METAP2: variants seen among roughly 807,000 people sequenced by gnomAD.
METAP2 encodes the protein methionine aminopeptidase 2.
A neutral mutation model predicts 59.4 loss-of-function variants in METAP2; 25 were observed. The observed-to-expected ratio is 0.42, with a 90% CI of 0.31 to 0.59. The LOEUF is 0.59. Among genes scored for constraint, METAP2 ranks in the 20% least tolerant of loss-of-function variants. METAP2 has a pLI of 0.16. For synonymous variants in METAP2, 214 were observed against 194.1 expected, an observed-to-expected ratio of 1.10 and a Z score of -0.85; for missense variants, 366 against 581.2, an observed-to-expected ratio of 0.63 and a Z score of 3.81.
intron 9 of METAP2, among the ~76,000 whole-genome samples, chr12:95,512,287 G>C (rs1405451390): frequency 6.6e-6 from 1 of 152,166 alleles, no homozygotes; most frequent in South Asian, 2.1e-4. Context: ...GTAGAGCTGT[G>C]AACATAATTC....
At chr12:95,491,207 CA>C (rs1180640096) in intron 4 of METAP2, among the ~76,000 whole-genome samples, 4 of 151,632 alleles carry the variant, frequency 2.6e-5, no homozygotes, top group Non-Finnish European at 5.9e-5. Context: ...TTAGTTTATA[CA>C]AACTTGAGAA....
intron 2 of METAP2, among the ~76,000 whole-genome samples, chr12:95,478,488 C>T (rs1317842082): frequency 6.6e-6 from 1 of 151,886 alleles, no homozygotes; most frequent in Non-Finnish European, 1.5e-5. Flanking sequence ...AAAAATTAGC[C>T]AGGTGTGGTG....
At chr12:95,496,201 C>T in intron 7 of METAP2, 103 bp downstream of exon 7, 1 of 647,098 alleles carries the variant, frequency 1.5e-6, no homozygotes, top group Non-Finnish European at 2.6e-6. Context: ...TGTTTAAGGG[C>T]TTTGGGTAAT....
intron 7 of METAP2, among the ~76,000 whole-genome samples, chr12:95,502,808 G>A (rs2076326311): frequency 6.7e-6 from 1 of 149,934 alleles, no homozygotes; most frequent in Admixed American, 6.6e-5. Context: ...CAGGTTTGCT[G>A]GTTCTTTTTT....
chr12:95,494,033 A>G lies in METAP2; in HGVS notation c.429-23A>G, dbSNP rs757793010. The G allele has an allele frequency of 3.1e-6, 5 of 1,605,286 alleles. No homozygotes were observed. In the South Asian group the frequency reaches 5.5e-5, roughly 18 times the overall value. ...CTTGTTCTGCTGTTTTATCACTAAT[A>G]GTATTCTATGCCCACTCTAAAGGCG... On this transcript the variant is annotated intron_variant, in intron 4 of 10. Transcript: ENST00000323666.
chr12:95,500,622 T>C (rs2076308412), intron 7 of METAP2, among the ~76,000 whole-genome samples: 3 of 152,214 alleles, frequency 2.0e-5, no homozygotes, highest in African/African-American at 7.2e-5. Context: ...TCATGCTTTT[T>C]CTGCATCAAT....
intron 2 of METAP2, among the ~76,000 whole-genome samples, chr12:95,479,982 G>A (rs746481084): frequency 1.3e-5 from 2 of 152,158 alleles, no homozygotes; most frequent in African/African-American, 2.4e-5. Flanking sequence ...CTACTACCAC[G>A]ACGGAAGATA....
chr12:95,486,364 T>C (rs944526890), intron 4 of METAP2, among the ~76,000 whole-genome samples: 1 of 152,192 alleles, frequency 6.6e-6, no homozygotes, highest in African/African-American at 2.4e-5. Context: ...GTCTACTATA[T>C]CTTTACTTTT....
chr12:95,478,003 T>C (rs2076132927), intron 2 of METAP2, among the ~76,000 whole-genome samples: 1 of 152,216 alleles, frequency 6.6e-6, no homozygotes, highest in Non-Finnish European at 1.5e-5. Flanking sequence ...ATCATAATGC[T>C]TCCTGGGCCT....
intron 7 of METAP2, among the ~76,000 whole-genome samples, chr12:95,503,454 G>C (rs2076331604): frequency 6.6e-6 from 1 of 152,170 alleles, no homozygotes; most frequent in South Asian, 2.1e-4. Context: ...GAGTGGAGGG[G>C]AAAGGGGTGC....
intron 8 of METAP2, among the ~76,000 whole-genome samples, chr12:95,506,192 T>C (rs73231321): frequency 0.094 from 14,241 of 151,528 alleles, 711 homozygotes; most frequent in East Asian, 0.2. Flanking sequence ...CTCGGTGGAG[T>C]GCGCTCAGCT....
chr12:95,513,045 AAG>A, intron 10 of METAP2, 129 bp downstream of exon 10: 2 of 579,074 alleles, frequency 3.5e-6, no homozygotes, highest in Non-Finnish European at 6.0e-6. Context: ...GCCCAACAAT[AAG>A]AAAAAAAAAT....
chr12:95,491,134 A>T (rs943852861), intron 4 of METAP2, among the ~76,000 whole-genome samples: 1 of 150,770 alleles, frequency 6.6e-6, no homozygotes, highest in Admixed American at 6.6e-5. Flanking sequence ...GCAGTTTCCA[A>T]GTAATCTGTG....
intron 7 of METAP2, among the ~76,000 whole-genome samples, chr12:95,498,829 G>C (rs1019902321): frequency 6.6e-6 from 1 of 152,012 alleles, no homozygotes; most frequent in Non-Finnish European, 1.5e-5. Flanking sequence ...GCCTGGGTAA[G>C]ATAGCAAGAC....
rs201631697 is a variant in METAP2 at position 95,485,895 on chromosome 12, C to G, written c.342C>G (p.Asp114Glu). ...ATCTCACAGCAAAAGTTCAAACAGA[C>G]CCTCCCTCAGTTCCAATATGTGACC... The part of the protein sequence containing the change: ...KKKRGPKVQT[D>E]PPSVPICDLY... The change falls in exon 4 of 11, where the codon GAC (aspartate) becomes GAG (glutamate). Residue 114 changes from aspartate to glutamate, a missense_variant. By Grantham distance (45) the Asp-to-Glu change is conservative. Around this residue, in one of 4 missense-constraint regions of METAP2, gnomAD observed 177 missense variants for 180.3 expected, o/e 0.98. Transcript: ENST00000323666. 2.5e-6 allele frequency: 4 copies of G among 1,568,716 alleles called. No homozygotes were observed. The highest frequency in any genetic ancestry group is 3.4e-6 in the Non-Finnish European group (4 of 1,163,388).
At chr12:95,479,987 A>C (rs995518737) in intron 2 of METAP2, among the ~76,000 whole-genome samples, 1 of 152,222 alleles carries the variant, frequency 6.6e-6, no homozygotes, top group African/African-American at 2.4e-5. Context: ...ACCACGACGG[A>C]AGATACAGAC....
rs1246403963 is a variant in METAP2, at chr12:95,504,216, G to C, written c.964+55G>C. 8 of 1,275,432 alleles carry C rather than the reference G, an allele frequency of 6.3e-6. No individual in the cohort carries two copies. In the African/African-American group the frequency reaches 1.2e-4, roughly 19 times the overall value. The allele number at this position is 1,275,432 out of a possible 1,614,324, so 79.0% of individuals were successfully genotyped here. A position where few individuals can be genotyped will look rare whatever the true frequency, so the allele number is the denominator to read the frequency against. On this transcript the variant is annotated intron_variant, in intron 8 of 10. Transcript: ENST00000323666. ...GAAATTGATTTTACAAACTATTGTC[G>C]AGTGTTTTCTTTGGGTCAGCTGCTT...
chr12:95,492,894 C>CT (rs2076249478), intron 4 of METAP2, among the ~76,000 whole-genome samples: 1 of 152,200 alleles, frequency 6.6e-6, no homozygotes, highest in Admixed American at 6.5e-5. Flanking sequence ...TTGAGTGTTA[C>CT]TTAGCTTTGC....
intron 3 of METAP2, 141 bp from the exon 4 acceptor site, chr12:95,485,738 T>G (rs1318824643): frequency 1.7e-6 from 1 of 572,758 alleles, no homozygotes; most frequent in Non-Finnish European, 3.0e-6. Context: ...CATGATGAAG[T>G]GTCTTCTGCT....
Sources: allele counts gnomAD v4.1 joint callset (sites outside exome capture counted in the v4.1 genomes callset), GRCh38; gene constraint gnomAD v4.1.1; regional missense constraint gnomAD v4.1.1; transcripts MANE v1.5; gene names NCBI Gene and HGNC (gene_info 2026-07-23, HGNC 2026-07-21).